Variants in ACVR1 observed in about 807,000 individuals in gnomAD.
The protein encoded by ACVR1 is activin receptor type-1.
A neutral mutation model predicts 57.1 loss-of-function variants in ACVR1; 38 were observed. The observed-to-expected ratio is 0.67, with a 90% CI of 0.51 to 0.87. ACVR1 has a LOEUF of 0.87. ACVR1 is among the 40% of genes least tolerant of loss of function. ACVR1 has a pLI of 0.00. For missense variants in ACVR1, 463 were observed against 638.2 expected (o/e 0.73, Z 2.96); for synonymous variants, 212 against 228.1 (o/e 0.93, Z 0.63).
Position 157,848,442 on chromosome 2 carries a change from C to T in ACVR1, c.-183+27354G>A, listed in dbSNP as rs541267227. Among the ~76,000 whole-genome samples, 48 of 152,330 alleles carry T rather than the reference C, an allele frequency of 3.2e-4. No homozygotes were observed. In the South Asian group the frequency reaches 8.7e-3, roughly 28 times the overall value. ...CTCCCAGCCAACAGCCAGCATCAAC[C>T]GCCAGACATGCGAGTGAATGAGCCT... On this transcript the variant is annotated intron_variant, in intron 1 of 10. Coordinates refer to ENST00000434821, the MANE Select transcript of ACVR1 (RefSeq NM_001111067.4).
At chr2:157,795,377 AACAC>A (rs4029027) in intron 3 of ACVR1, among the ~76,000 whole-genome samples, 13,144 of 133,950 alleles carry the variant, frequency 0.098, 1,006 homozygotes, top group African/African-American at 0.22. Context: ...CCTTCCATAG[AACAC>A]ACACACACAC....
At chr2:157,870,783 T>C (rs1289974391) in intron 1 of ACVR1, among the ~76,000 whole-genome samples, 2 of 152,192 alleles carry the variant, frequency 1.3e-5, no homozygotes, top group Non-Finnish European at 2.9e-5. Flanking sequence ...CAATAAATGT[T>C]TGTGGAATTG....
chr2:157,863,011 CTTTTTTTTTTTTT>C (rs374223805), intron 1 of ACVR1, among the ~76,000 whole-genome samples: 11 of 62,290 alleles, frequency 1.8e-4, no homozygotes, highest in Non-Finnish European at 2.4e-4. Context: ...AGAACATTTA[CTTTTTTTTTTTTT>C]TTTTTTTTTT....
At chr2:157,796,221 CAAAAAA>C (rs71404304) in intron 3 of ACVR1, among the ~76,000 whole-genome samples, 14 of 119,870 alleles carry the variant, frequency 1.2e-4, no homozygotes, top group East Asian at 2.3e-4. Flanking sequence ...GACTCTGCCT[CAAAAAA>C]AAAAAAAAAA....
intron 1 of ACVR1, among the ~76,000 whole-genome samples, chr2:157,855,323 T>TATATATAC (rs368753827): frequency 9.2e-6 from 1 of 108,518 alleles, no homozygotes; most frequent in African/African-American, 3.9e-5. Context: ...TATATATATA[T>TATATATAC]ACACACACAC....
chr2:157,825,794 C>G (rs1306166955), intron 1 of ACVR1, among the ~76,000 whole-genome samples: 1 of 152,110 alleles, frequency 6.6e-6, no homozygotes, highest in Non-Finnish European at 1.5e-5. Flanking sequence ...TGGTTCTCAG[C>G]GAAGAATCAG....
At chr2:157,788,538 C>T (rs981734892) in intron 3 of ACVR1, among the ~76,000 whole-genome samples, 2 of 152,038 alleles carry the variant, frequency 1.3e-5, no homozygotes, top group Non-Finnish European at 2.9e-5. Context: ...TAATAACTGC[C>T]CCAAAGCACA....
chr2:157,811,961 G>A (rs368186084), intron 2 of ACVR1, among the ~76,000 whole-genome samples: 12 of 152,290 alleles, frequency 7.9e-5, no homozygotes, highest in Admixed American at 5.9e-4. Context: ...CTATCACCCC[G>A]TTGTGTTTGA....
At chr2:157,804,172 A>C (rs1283534293) in intron 2 of ACVR1, among the ~76,000 whole-genome samples, 1 of 152,216 alleles carries the variant, frequency 6.6e-6, no homozygotes, top group Non-Finnish European at 1.5e-5. Flanking sequence ...CTTGGACAAC[A>C]CTTCAAGTAA....
intron 2 of ACVR1, among the ~76,000 whole-genome samples, chr2:157,815,154 A>C (rs1450444564): frequency 1.3e-5 from 2 of 152,228 alleles, no homozygotes; most frequent in Non-Finnish European, 2.9e-5. Context: ...ATATTATTTC[A>C]ATAAGAAAAC....
At chr2:157,739,743 C>T (rs556238503) in intron 9 of ACVR1, among the ~76,000 whole-genome samples, 6 of 152,300 alleles carry the variant, frequency 3.9e-5, no homozygotes, top group Non-Finnish European at 7.4e-5. Flanking sequence ...TCCATCCTTA[C>T]AAATTCCATA....
intron 2 of ACVR1, among the ~76,000 whole-genome samples, chr2:157,802,959 ATC>A (rs1345181506): frequency 6.6e-6 from 1 of 152,148 alleles, no homozygotes; most frequent in Non-Finnish European, 1.5e-5. Flanking sequence ...AATTAGTAGC[ATC>A]CCTTCCCCAC....
intron 9 of ACVR1, among the ~76,000 whole-genome samples, chr2:157,742,637 G>C (rs1684818270): frequency 6.6e-6 from 1 of 152,056 alleles, no homozygotes; most frequent in Non-Finnish European, 1.5e-5. Context: ...ATGGCTCTGA[G>C]TAAACCCCTT....
intron 1 of ACVR1, among the ~76,000 whole-genome samples, chr2:157,834,227 G>A (rs189450192): frequency 9.7e-4 from 148 of 152,286 alleles, no homozygotes; most frequent in South Asian, 2.3e-3. Context: ...GAGTAGCTGG[G>A]ATTACAGGTG....
At chr2:157,749,632 C>T (rs7595478) in intron 9 of ACVR1, among the ~76,000 whole-genome samples, 55,905 of 152,050 alleles carry the variant, frequency 0.37, 12,720 homozygotes, top group African/African-American at 0.65. Flanking sequence ...AAAGGTAAAA[C>T]AGGAAGCTGG....
chr2:157,774,937 T>C (rs541417997), intron 5 of ACVR1, among the ~76,000 whole-genome samples: 1 of 152,298 alleles, frequency 6.6e-6, no homozygotes, highest in African/African-American at 2.4e-5. Context: ...ATTTACATAT[T>C]TTGCTATTCT....
chr2:157,763,539 T>C (rs1383144309), intron 8 of ACVR1, among the ~76,000 whole-genome samples: 1 of 152,120 alleles, frequency 6.6e-6, no homozygotes, highest in Admixed American at 6.5e-5. Context: ...AGCAACATAG[T>C]GAGACCTCAT....
chr2:157,767,376 T>C (rs184329107), intron 7 of ACVR1, among the ~76,000 whole-genome samples: 1 of 152,286 alleles, frequency 6.6e-6, no homozygotes, highest in African/African-American at 2.4e-5. Flanking sequence ...CTTTTGAGCA[T>C]GCAGAAGACT....
rs148549219 is a variant in ACVR1 at position 157,790,793 on chromosome 2, T to A, written c.67+8634A>T. Among the ~76,000 whole-genome samples the A allele has an allele frequency of 5.9e-3, 905 of 152,252 alleles. 8 individuals are homozygous for A. The highest frequency in any genetic ancestry group is 0.02 in the African/African-American group (829 of 41,548). On this transcript the variant is annotated intron_variant, in intron 3 of 10. Transcript: ENST00000434821. ...CCCTTTACTTCTCATCTTGCCACAC[T>A]CTATGATCCACTTTCACCACACACC...
Sources: allele counts gnomAD v4.1 joint callset (sites outside exome capture counted in the v4.1 genomes callset), GRCh38; gene constraint gnomAD v4.1.1; transcripts MANE v1.5; gene names NCBI Gene and HGNC (gene_info 2026-07-23, HGNC 2026-07-21).